Variants in TRABD2A observed in about 807,000 individuals in gnomAD.
TRABD2A encodes metalloprotease TIKI1.
Under a neutral mutation model 45.6 loss-of-function variants are expected in TRABD2A, and 43 were observed. The ratio of observed to expected loss-of-function variants is 0.94; its 90% CI spans 0.74 to 1.22. The LOEUF (loss-of-function observed/expected upper bound fraction) is 1.22. Among genes scored for constraint, TRABD2A ranks in the 50% most tolerant of loss-of-function variants. The probability of loss-of-function intolerance (pLI) is 0.00; values close to 1 mark genes in which losing one functional copy is unlikely to be tolerated. For synonymous variants in TRABD2A, 269 were observed against 265.0 expected, an observed-to-expected ratio of 1.02 and a Z score of -0.15; for missense variants, 642 against 652.4, an observed-to-expected ratio of 0.98 and a Z score of 0.17.
chr2:84,879,554 AGACAGATTC>A, intron 1 of TRABD2A: 1 of 979,332 alleles, frequency 1.0e-6, no homozygotes, highest in Non-Finnish European at 1.2e-6. Flanking sequence ...GGACTCATAA[AGACAGATTC>A]TAAAGGAGAG....
intron 4 of TRABD2A, chr2:84,836,775 C>G (rs1333666511): frequency 6.6e-6 from 1 of 152,032 alleles, no homozygotes; most frequent in Non-Finnish European, 1.5e-5. Flanking sequence ...CTCAATCAAC[C>G]TATCTTCATG....
chr2:84,856,856 A>G (rs987553034), intron 2 of TRABD2A, among the ~76,000 whole-genome samples: 2 of 152,194 alleles, frequency 1.3e-5, no homozygotes, highest in Non-Finnish European at 2.9e-5. Context: ...GCCAAAGGTC[A>G]TGTTGAAGTT....
intron 4 of TRABD2A, chr2:84,833,738 G>A (rs1226317031): frequency 1.3e-5 from 2 of 151,470 alleles, no homozygotes; most frequent in Non-Finnish European, 3.0e-5. Flanking sequence ...AGGAGCCAGT[G>A]CTAGATGGGG....
intron 2 of TRABD2A, among the ~76,000 whole-genome samples, chr2:84,868,520 A>ATAG (rs1241481450): frequency 5.4e-5 from 8 of 147,524 alleles, no homozygotes; most frequent in African/African-American, 2.2e-4. Flanking sequence ...TAATTAGTTA[A>ATAG]TTAGTTAACT....
At chr2:84,849,684 C>T (rs1351171598) in intron 2 of TRABD2A, 5 of 152,196 alleles carry the variant, frequency 3.3e-5, no homozygotes, top group Admixed American at 6.5e-5. Context: ...GAGTTAGAGC[C>T]TCAAGAACCT....
intron 2 of TRABD2A, among the ~76,000 whole-genome samples, chr2:84,862,536 C>T (rs895179915): frequency 1.3e-5 from 2 of 152,126 alleles, no homozygotes; most frequent in African/African-American, 4.8e-5. Flanking sequence ...CAGACACAGC[C>T]ACAACATGGT....
intron 2 of TRABD2A, among the ~76,000 whole-genome samples, chr2:84,848,962 A>T (rs967712148): frequency 6.6e-6 from 1 of 152,184 alleles, no homozygotes; most frequent in African/African-American, 2.4e-5. Flanking sequence ...TTTCTGAAGG[A>T]AATGCAGCCC....
In TRABD2A at chr2:84,859,975, A is replaced by G. The variant is rs1393595206; in HGVS notation, c.669+10250T>C. 3.9e-5 allele frequency among the ~76,000 whole-genome samples: 6 copies of G among 151,918 alleles called. No homozygotes were observed. The East Asian group carries it at 5.8e-4, about 15-fold the overall frequency. On this transcript the variant is annotated intron_variant, in intron 2 of 6. Coordinates refer to ENST00000409520, the MANE Select transcript of TRABD2A (RefSeq NM_001277053.2). Reference sequence around the variant, plus strand: ...GGGGGGGGGTCTCACTATGTTGTCCAGGCTGGTCTCGAACTCCTGGGCTCA... The same window carrying G: ...GGGGGGGGGTCTCACTATGTTGTCCGGGCTGGTCTCGAACTCCTGGGCTCA...
At chr2:84,875,272 G>A (rs535350265) in intron 1 of TRABD2A, among the ~76,000 whole-genome samples, 6 of 152,316 alleles carry the variant, frequency 3.9e-5, no homozygotes, top group African/African-American at 1.2e-4. Context: ...TGAAGGAGAC[G>A]AGGGGCCCAC....
At chr2:84,871,427 G>T (rs1426341539) in intron 1 of TRABD2A, among the ~76,000 whole-genome samples, 1 of 152,064 alleles carries the variant, frequency 6.6e-6, no homozygotes, top group African/African-American at 2.4e-5. Context: ...TCCAATGCCT[G>T]GGTCCCACCC....
chr2:84,871,453 A>G (rs1682870094), intron 1 of TRABD2A, among the ~76,000 whole-genome samples: 1 of 151,912 alleles, frequency 6.6e-6, no homozygotes, highest in Non-Finnish European at 1.5e-5. Context: ...CAATCACATC[A>G]GAATCTCTGG....
intron 4 of TRABD2A, chr2:84,838,180 A>G (rs1573925016): frequency 1.4e-6 from 1 of 716,668 alleles, no homozygotes; most frequent in Non-Finnish European, 2.6e-6. Flanking sequence ...AGTAACCATT[A>G]GGCAAACAGT....
At chr2:84,831,962 T>C (rs1302575855) in intron 5 of TRABD2A, 93 bp downstream of exon 5, 3 of 1,271,466 alleles carry the variant, frequency 2.4e-6, no homozygotes, top group Non-Finnish European at 3.4e-6. Context: ...AGGGGTTCTC[T>C]GGAGCTCCTC....
chr2:84,861,936 T>C (rs899410524), intron 2 of TRABD2A, among the ~76,000 whole-genome samples: 4 of 152,162 alleles, frequency 2.6e-5, no homozygotes, highest in Admixed American at 2.6e-4. Context: ...TCTAAATGAC[T>C]GTGAATGCAA....
intron 2 of TRABD2A, among the ~76,000 whole-genome samples, chr2:84,856,289 C>T (rs1430650977): frequency 6.6e-6 from 1 of 152,022 alleles, no homozygotes; most frequent in African/African-American, 2.4e-5. Flanking sequence ...TCATTTTCTA[C>T]CTTCGCAGCC....
rs1265923174 is a variant in TRABD2A, at chr2:84,839,316, T to C, written c.824A>G (p.Asn275Ser). The C allele has an allele frequency of 1.2e-6, 2 of 1,605,142 alleles. No homozygotes were observed. The highest frequency in any genetic ancestry group is 1.7e-5 in the Admixed American group (1 of 58,016). ...ILSHDSSQVP[N>S]FINATLPPQE... ...AGGTGGTAGCGTGGCATTAATAAAA[T>C]TGGGAACCTCCACCAAAATAAAGAG... is the stretch of plus-strand genomic sequence containing the variant. Residue 275 changes from asparagine to serine, a missense_variant, in exon 4 of 7, where the codon AAT (asparagine) becomes AGT (serine). Asn to Ser is a conservative substitution (Grantham distance 46). Coordinates refer to ENST00000409520, the MANE Select transcript of TRABD2A (RefSeq NM_001277053.2).
chr2:84,868,286 G>A (rs1488358603), intron 2 of TRABD2A, among the ~76,000 whole-genome samples: 1 of 152,116 alleles, frequency 6.6e-6, no homozygotes. Context: ...GTCCTTTGTA[G>A]GGACATGGAT....
At chr2:84,857,118 A>AGACATAAGTTTCTGTGGTT (rs1231273060) in intron 2 of TRABD2A, among the ~76,000 whole-genome samples, 1 of 152,202 alleles carries the variant, frequency 6.6e-6, no homozygotes, top group Non-Finnish European at 1.5e-5. Flanking sequence ...CAGAACTGTG[A>AGACATAAGTTTCTGTGGTT]GACATAAGTT....
intron 2 of TRABD2A, chr2:84,849,530 A>C (rs770806341): frequency 1.4e-4 from 22 of 152,034 alleles, no homozygotes; most frequent in Non-Finnish European, 2.5e-4. Context: ...CAAGCTTGTA[A>C]ACCAGCTCTT....
Sources: allele counts gnomAD v4.1 joint callset (sites outside exome capture counted in the v4.1 genomes callset), GRCh38; gene constraint gnomAD v4.1.1; transcripts MANE v1.5; gene names NCBI Gene and HGNC (gene_info 2026-07-23, HGNC 2026-07-21).